Variants in GNAS-AS1 observed in about 807,000 individuals in gnomAD.
GNAS-AS1 encodes the protein GNAS antisense RNA 1 (non-protein coding).
chr20:58,829,775 CAG>C (rs371568879), intron 4 of GNAS-AS1, among the ~76,000 whole-genome samples: 42 of 152,244 alleles, frequency 2.8e-4, no homozygotes, highest in African/African-American at 9.4e-4. Flanking sequence ...GCTGTATACT[CAG>C]GGGGAAAAAA....
Position 58,831,520 on chromosome 20 carries a change from C to G in GNAS-AS1, n.819+10417G>C, listed in dbSNP as rs1289242234. 3.3e-5 allele frequency among the ~76,000 whole-genome samples: 5 copies of G among 152,022 alleles called. No homozygotes were observed. In the East Asian group the frequency reaches 9.7e-4, roughly 29 times the overall value. ...TGAAACCTCGTCTCTACTAAAAATA[C>G]AAAAACAAAATTAGCCGGGAGAATG... On this transcript the variant is annotated intron_variant and non_coding_transcript_variant, in intron 4 of 4. Coordinates refer to ENST00000424094, the Ensembl canonical transcript of GNAS-AS1.
At chr20:58,823,555 C>T (rs1230170964) in intron 4 of GNAS-AS1, among the ~76,000 whole-genome samples, 1 of 152,234 alleles carries the variant, frequency 6.6e-6, no homozygotes, top group Non-Finnish European at 1.5e-5. Context: ...CCCCAGTGGG[C>T]CCCATGGCCT....
chr20:58,847,241 ACTACCTCTAATATCAGCCTTGCAT>A (rs35278864), intron 2 of GNAS-AS1, among the ~76,000 whole-genome samples: 80,819 of 151,660 alleles, frequency 0.53, 23,299 homozygotes, highest in East Asian at 0.78. Flanking sequence ...GACTTTTTCC[ACTACCTCTAATATCAGCCTTGCAT>A]CTGCCTCTAA....
At chr20:58,830,600 C>CCA (rs1568900704) in intron 4 of GNAS-AS1, among the ~76,000 whole-genome samples, 1 of 140,752 alleles carries the variant, frequency 7.1e-6, no homozygotes, top group Admixed American at 6.9e-5. Flanking sequence ...ATCACCACCA[C>CCA]CACCATCACC....
intron 4 of GNAS-AS1, among the ~76,000 whole-genome samples, chr20:58,835,204 A>C (rs773381694): frequency 3.3e-5 from 5 of 152,132 alleles, no homozygotes; most frequent in African/African-American, 4.8e-5. Context: ...TGTCCAAAGG[A>C]AAGTTGGAAA....
At chr20:58,818,970 G>T (rs6026543) in exon 5 of GNAS-AS1, 1 of 398,268 alleles carries the variant, frequency 2.5e-6, no homozygotes, top group African/African-American at 2.1e-5. Context: ...CACTAGATAC[G>T]CCCCATCTCC....
At chr20:58,843,793 TTGTA>T (rs1377767911) in intron 2 of GNAS-AS1, among the ~76,000 whole-genome samples, 1 of 152,232 alleles carries the variant, frequency 6.6e-6, no homozygotes, top group Non-Finnish European at 1.5e-5. Context: ...AAAGGTGCTC[TTGTA>T]ACTGAACTTA....
rs569851291 is a variant in GNAS-AS1 at position 58,819,093 on chromosome 20, T to A, written n.982A>T. 2.0e-5 allele frequency: 8 copies of A among 398,652 alleles called. No individual in the cohort carries two copies. The East Asian group carries it at 2.8e-4, about 14-fold the overall frequency. 24.7% of individuals were successfully genotyped at this position (398,652 alleles called of 1,614,324 possible). On this transcript the variant is annotated non_coding_transcript_exon_variant, in exon 5 of 5. Transcript: ENST00000424094. Reference sequence around the variant, plus strand: ...CAAGGATCTTGCTCACCAAACTCTCTTTGCTTATCAAACCTTTCTTTCAGA... The same window carrying A: ...CAAGGATCTTGCTCACCAAACTCTCATTGCTTATCAAACCTTTCTTTCAGA...
At position 58,840,311 on chromosome 20, in the gene GNAS-AS1, C is replaced by A. The variant is rs187415363; in HGVS notation, n.819+1626G>T. 169 of 1,612,872 alleles carry A rather than the reference C, an allele frequency of 1.0e-4. No homozygotes were observed. In the East Asian group the frequency reaches 3.6e-3, roughly 34 times the overall value. On this transcript the variant is annotated intron_variant and non_coding_transcript_variant, in intron 4 of 4. Coordinates refer to ENST00000424094, the Ensembl canonical transcript of GNAS-AS1. This position sits in a 1 kb window ranked among gnomAD's most constrained non-coding sequence, Gnocchi z 6.0. The stretch of plus-strand genomic sequence containing the variant: ...GCGCCGGAGCTTCCTTAACGCCCAC[C>A]ACCGCTCCGGCGCCCAGGTATTCCC...
chr20:58,836,895 A>G (rs544607780), intron 4 of GNAS-AS1, among the ~76,000 whole-genome samples: 2 of 152,316 alleles, frequency 1.3e-5, no homozygotes, highest in Non-Finnish European at 2.9e-5. Flanking sequence ...GCTGATTAAA[A>G]TGCATCTTGC....
intron 4 of GNAS-AS1, among the ~76,000 whole-genome samples, chr20:58,829,701 G>A (rs1488703293): frequency 6.6e-6 from 1 of 152,176 alleles, no homozygotes; most frequent in African/African-American, 2.4e-5. Flanking sequence ...CAGCTCAAGT[G>A]TGCACGTATC....
intron 2 of GNAS-AS1, chr20:58,848,790 C>T (rs2145522542): frequency 2.5e-6 from 1 of 397,944 alleles, no homozygotes; most frequent in East Asian, 3.6e-5. Flanking sequence ...CTTGCAGGTG[C>T]CACAGGTGGG....
At chr20:58,823,863 C>T (rs571542522) in intron 4 of GNAS-AS1, among the ~76,000 whole-genome samples, 8 of 152,358 alleles carry the variant, frequency 5.3e-5, no homozygotes, top group Admixed American at 2.0e-4. Context: ...GCTCCCCTAA[C>T]CGCGCCATCA....
chr20:58,827,399 C>T (rs763574614), intron 4 of GNAS-AS1, among the ~76,000 whole-genome samples: 1 of 152,332 alleles, frequency 6.6e-6, no homozygotes, highest in Non-Finnish European at 1.5e-5. Flanking sequence ...GGTGGGGACA[C>T]ACTGGTTGCC....
chr20:58,844,678 A>G (rs1012556108), intron 2 of GNAS-AS1, among the ~76,000 whole-genome samples: 3 of 71,392 alleles, frequency 4.2e-5, no homozygotes, highest in African/African-American at 1.3e-4. Flanking sequence ...TTGACTCTAC[A>G]CTAGTGATTT....
chr20:58,825,011 C>T (rs1166102445), intron 4 of GNAS-AS1, among the ~76,000 whole-genome samples: 5 of 152,190 alleles, frequency 3.3e-5, no homozygotes, highest in Admixed American at 2.6e-4. Context: ...CTCGCTGGGG[C>T]TTGGGACACA....
intron 4 of GNAS-AS1, among the ~76,000 whole-genome samples, chr20:58,833,375 G>T (rs1014643337): frequency 6.6e-6 from 1 of 152,134 alleles, no homozygotes; most frequent in African/African-American, 2.4e-5. Flanking sequence ...GGGAAGCGGG[G>T]GTCCAGAAGT....
At chr20:58,834,695 T>C (rs116642297) in intron 4 of GNAS-AS1, 6,546 of 152,018 alleles carry the variant, frequency 0.043, 222 homozygotes, top group African/African-American at 0.088. Context: ...GAGAGGGAGA[T>C]AGGCACTTAT....
Position 58,838,945 on chromosome 20 carries a change from A to G in GNAS-AS1, n.819+2992T>C, listed in dbSNP as rs1275836946. The G allele has an allele frequency of 1.0e-5, 4 of 385,136 alleles. No individual in the cohort carries two copies. The East Asian group carries it at 1.4e-4, about 14-fold the overall frequency. The allele number at this position is 385,136 out of a possible 1,614,324, so 23.9% of individuals were successfully genotyped here. On this transcript the variant is annotated intron_variant and non_coding_transcript_variant, in intron 4 of 4. Coordinates refer to ENST00000424094, the Ensembl canonical transcript of GNAS-AS1. ...AAAAAAAAAAAAAAAAAAAAAACCT[A>G]CCTAGGAAATGGCTGTAAGGGGCCT...
Sources: allele counts gnomAD v4.1 joint callset (sites outside exome capture counted in the v4.1 genomes callset), GRCh38; gene constraint gnomAD v4.1.1; non-coding constraint Gnocchi (gnomAD v3.1); transcripts MANE v1.5; gene names NCBI Gene and HGNC (gene_info 2026-07-23, HGNC 2026-07-21).